The following NANOS2 variants were observed in gnomAD, a reference collection of about 807,000 sequenced individuals.
The protein encoded by NANOS2 is nanos homolog 2.
In NANOS2, 3 loss-of-function variants were observed where a neutral mutation model predicts 6.4. The ratio of observed to expected loss-of-function variants is 0.47; its 90% CI spans 0.22 to 1.22. The LOEUF (loss-of-function observed/expected upper bound fraction) is 1.22, where lower values mean the gene tolerates loss of function less well. NANOS2 is among the 50% of genes most tolerant of loss of function. The pLI is 0.22. For missense variants in NANOS2, 177 were observed against 191.0 expected, an observed-to-expected ratio of 0.93 and a Z score of 0.43; for synonymous variants, 86 against 85.6, an observed-to-expected ratio of 1.00 and a Z score of -0.03.
At position 45,913,512 on chromosome 19, in the gene NANOS2, G is replaced by A. The variant is rs1967436072; in HGVS notation, c.*765C>T. On this transcript the variant is annotated 3_prime_UTR_variant, in exon 1 of 1. Transcript: ENST00000341294. ...TGGTCGAGAGATATGCTTCTCGCTG[G>A]GGGAAAGGACCCATCGGTGATTTGG... 1 of 152,116 alleles carries A rather than the reference G, an allele frequency of 6.6e-6. No homozygotes were observed. Among genetic ancestry groups the A allele is most frequent in the Admixed American group, 6.6e-5 (1 of 15,248 alleles). The allele number at this position is 152,116 out of a possible 1,614,324, so 9.4% of individuals were successfully genotyped here.
chr19:45,913,981 C>A lies in NANOS2; in HGVS notation c.*296G>T. ...CAGTCACCAGCAGGCCCCACGAGGA[C>A]AAAAGATCCATGAACCGGGGCCCAG... On this transcript the variant is annotated 3_prime_UTR_variant, in exon 1 of 1. Transcript: ENST00000341294. 2.3e-6 allele frequency: 1 copy of A among 430,672 alleles called. No individual in the cohort carries two copies. Among genetic ancestry groups the A allele is most frequent in the Non-Finnish European group, 4.2e-6 (1 of 238,288 alleles). The allele number at this position is 430,672 out of a possible 1,614,324, so 26.7% of individuals were successfully genotyped here. A position where few individuals can be genotyped will look rare whatever the true frequency, so the allele number is the denominator to read the frequency against.
chr19:45,914,351 G>A lies in NANOS2; in HGVS notation c.343C>T (p.Pro115Ser), dbSNP rs774903581. Reference protein sequence around the residue: ...GDQAHTLKYCPLNGGQQSLYR... With the variant: ...GDQAHTLKYCSLNGGQQSLYR... Reference sequence around the variant, plus strand: ...AGGGACTGCTGGCCACCGTTAAGCGGGCAGTACTTGAGCGTATGGGCCTGG... The same window carrying A: ...AGGGACTGCTGGCCACCGTTAAGCGAGCAGTACTTGAGCGTATGGGCCTGG... The change falls in exon 1 of 1, where the codon CCG (proline) becomes TCG (serine). Residue 115 changes from proline to serine, a missense_variant. Transcript: ENST00000341294. 1.2e-6 allele frequency: 2 copies of A among 1,614,040 alleles called. No homozygotes were observed. Among genetic ancestry groups the A allele is most frequent in the African/African-American group, 1.3e-5 (1 of 75,068 alleles).
rs1177955808 is a variant in NANOS2 at position 45,914,264 on chromosome 19, C to T, written c.*13G>A. 1 of 1,600,304 alleles carries T rather than the reference C, an allele frequency of 6.2e-7. No individual in the cohort carries two copies. The highest frequency in any genetic ancestry group is 1.3e-5 in the African/African-American group (1 of 74,830). On this transcript the variant is annotated 3_prime_UTR_variant, in exon 1 of 1. Coordinates refer to ENST00000341294, the MANE Select transcript of NANOS2 (RefSeq NM_001029861.3). The stretch of plus-strand genomic sequence containing the variant: ...GAGGGTCAGGGGTGCGGGTGGTGAG[C>T]ATCTCACGATGCTCAGCGCTTGACC...
At position 45,914,765 on chromosome 19, in the gene NANOS2, A is replaced by C. The variant is rs1021407511; in HGVS notation, c.-72T>G. ...GGGGCCCGTGGGCAAGGGCAAGAGC[A>C]GCAGGCGTTTCCCAGAGCAGAAGGG... On this transcript the variant is annotated 5_prime_UTR_variant, in exon 1 of 1. Transcript: ENST00000341294. 1 of 1,446,178 alleles carries C rather than the reference A, an allele frequency of 6.9e-7. No individual in the cohort carries two copies. Among genetic ancestry groups the C allele is most frequent in the Admixed American group, 2.1e-5 (1 of 46,656 alleles). 89.6% of individuals were successfully genotyped at this position (1,446,178 alleles called of 1,614,324 possible). A position where few individuals can be genotyped will look rare whatever the true frequency, so the allele number is the denominator to read the frequency against.
In NANOS2 at chr19:45,914,571, C is replaced by T. The variant is rs780603858; in HGVS notation, c.123G>A (p.Gly41=). ...GCCCCTGATCCTGCCCCAGCGGAGG[C>T]CCGGGACTTGGCTCCTCAATCTCTT... The part of the protein sequence containing the change: ...ETQEIEEPSP[G]PPLGQDQGLG... Residue 41 remains glycine (G), a synonymous_variant, in exon 1 of 1, where the codon GGG becomes GGA. Transcript: ENST00000341294. 1 of 1,614,214 alleles carries T rather than the reference C, an allele frequency of 6.2e-7. No individual in the cohort carries two copies. The highest frequency in any genetic ancestry group is 1.1e-5 in the South Asian group (1 of 91,090).
rs1244588912 is a variant in NANOS2, at chr19:45,914,465, A to G, written c.229T>C (p.Ser77Pro). Residue 77 changes from serine to proline, a missense_variant, in exon 1 of 1, where the codon TCC becomes CCC. Ser to Pro is a moderately conservative substitution (Grantham distance 74). Coordinates refer to ENST00000341294, the MANE Select transcript of NANOS2 (RefSeq NM_001029861.3). Reference sequence around the variant, plus strand: ...TCCGGTGTCTTCAGCTGGTGTGAGGAGTAGACGTGGCGGGACTCCCCGTTG... The same window carrying G: ...TCCGGTGTCTTCAGCTGGTGTGAGGGGTAGACGTGGCGGGACTCCCCGTTG... Reference protein sequence around the residue: ...KHNGESRHVYSSHQLKTPDGV... With the variant: ...KHNGESRHVYPSHQLKTPDGV... The G allele has an allele frequency of 1.2e-6, 2 of 1,614,110 alleles. No homozygotes were observed. Among genetic ancestry groups the G allele is most frequent in the Admixed American group, 3.3e-5 (2 of 60,024 alleles).
At position 45,914,102 on chromosome 19, in the gene NANOS2, A is replaced by AG; in HGVS notation, c.*174dup. ...AGAGCTCCGAGGGCTGACAGGTCCAAGGGGGCGGGGCTGGCCTGGCTCCCA... is the reference window on the plus strand; with the variant it reads ...AGAGCTCCGAGGGCTGACAGGTCCAAGGGGGGCGGGGCTGGCCTGGCTCCCA... On this transcript the variant is annotated 3_prime_UTR_variant, in exon 1 of 1. Coordinates refer to ENST00000341294, the MANE Select transcript of NANOS2 (RefSeq NM_001029861.3). 1 of 680,390 alleles carries AG rather than the reference A, an allele frequency of 1.5e-6. No homozygotes were observed. Among genetic ancestry groups the AG allele is most frequent in the Non-Finnish European group, 2.4e-6 (1 of 410,094 alleles). 42.1% of individuals were successfully genotyped at this position (680,390 alleles called of 1,614,324 possible).
rs1405825885 is a variant in NANOS2 at position 45,914,564 on chromosome 19, G to A, written c.130C>T (p.Leu44=). 1 of 1,614,080 alleles carries A rather than the reference G, an allele frequency of 6.2e-7. No homozygotes were observed. The highest frequency in any genetic ancestry group is 8.5e-7 in the Non-Finnish European group (1 of 1,180,026). ...EIEEPSPGPP[L]GQDQGLGAPG... ...GCCCCCAGCCCCTGATCCTGCCCCAGCGGAGGCCCGGGACTTGGCTCCTCA... is the reference window on the plus strand; with the variant it reads ...GCCCCCAGCCCCTGATCCTGCCCCAACGGAGGCCCGGGACTTGGCTCCTCA... The change falls in exon 1 of 1, where the codon CTG becomes TTG. Residue 44 remains leucine, a synonymous_variant. Transcript: ENST00000341294.
chr19:45,914,453 G>C lies in NANOS2; in HGVS notation c.241C>G (p.Leu81Val), dbSNP rs1310642546. The C allele has an allele frequency of 6.2e-7, 1 of 1,614,088 alleles. No homozygotes were observed. Among genetic ancestry groups the C allele is most frequent in the African/African-American group, 1.3e-5 (1 of 74,958 alleles). ...ESRHVYSSHQ[L>V]KTPDGVVVCP... ...ACCACCACGCCATCCGGTGTCTTCA[G>C]CTGGTGTGAGGAGTAGACGTGGCGG... Residue 81 changes from leucine (L) to valine (V), a missense_variant, in exon 1 of 1, where the codon CTG becomes GTG. Coordinates refer to ENST00000341294, the MANE Select transcript of NANOS2 (RefSeq NM_001029861.3).
rs911158197 is a variant in NANOS2, at chr19:45,914,542, C to G, written c.152G>C (p.Gly51Ala). 13 of 1,614,048 alleles carry G rather than the reference C, an allele frequency of 8.1e-6. No homozygotes were observed. The highest frequency in any genetic ancestry group is 9.3e-6 in the Non-Finnish European group (11 of 1,180,020). The change falls in exon 1 of 1, where the codon GGG becomes GCG. Residue 51 changes from glycine to alanine, a missense_variant. By Grantham distance (60) the Gly-to-Ala change is moderately conservative. Transcript: ENST00000341294. ...GPPLGQDQGL[G>A]APGANGGLGT... The stretch of plus-strand genomic sequence containing the variant: ...CAGGCCCCCGTTGGCCCCTGGCGCC[C>G]CCAGCCCCTGATCCTGCCCCAGCGG...
At position 45,914,761 on chromosome 19, in the gene NANOS2, G is replaced by A. The variant is rs566559303; in HGVS notation, c.-68C>T. On this transcript the variant is annotated 5_prime_UTR_variant, in exon 1 of 1. Coordinates refer to ENST00000341294, the MANE Select transcript of NANOS2 (RefSeq NM_001029861.3). ...GCTGGGGGCCCGTGGGCAAGGGCAA[G>A]AGCAGCAGGCGTTTCCCAGAGCAGA... 97 of 1,470,184 alleles carry A rather than the reference G, an allele frequency of 6.6e-5. 3 individuals are homozygous for A. In the South Asian group the frequency reaches 1.1e-3, roughly 17 times the overall value. The allele number at this position is 1,470,184 out of a possible 1,614,324, so 91.1% of individuals were successfully genotyped here. A position where few individuals can be genotyped will look rare whatever the true frequency, so the allele number is the denominator to read the frequency against.
At position 45,914,515 on chromosome 19, in the gene NANOS2, C is replaced by T. The variant is rs151009341; in HGVS notation, c.179G>A (p.Gly60Glu). 4.3e-6 allele frequency: 7 copies of T among 1,614,036 alleles called. No individual in the cohort carries two copies. The highest frequency in any genetic ancestry group is 2.2e-5 in the East Asian group (1 of 44,880). The part of the protein sequence containing the change: ...LGAPGANGGL[G>E]TLCNFCKHNG... ...GTGCTTGCAGAAGTTGCACAGGGTCCCCAGGCCCCCGTTGGCCCCTGGCGC... is the reference window on the plus strand; with the variant it reads ...GTGCTTGCAGAAGTTGCACAGGGTCTCCAGGCCCCCGTTGGCCCCTGGCGC... The change falls in exon 1 of 1, where the codon GGG becomes GAG. Residue 60 changes from glycine to glutamate, a missense_variant. By Grantham distance (98) the Gly-to-Glu change is moderately conservative (BLOSUM62 -2). Transcript: ENST00000341294.
At position 45,914,682 on chromosome 19, in the gene NANOS2, T is replaced by A; in HGVS notation, c.12A>T (p.Pro4=). Residue 4 remains proline (P), a synonymous_variant, in exon 1 of 1, where the codon CCA becomes CCT. Coordinates refer to ENST00000341294, the MANE Select transcript of NANOS2 (RefSeq NM_001029861.3). MQL[P]PFDMWKDYFN... ...AGTAGTCCTTCCACATGTCGAAGGG[T>A]GGCAGCTGCATGGCACCAAAGCAGG... 6.2e-7 allele frequency: 1 copy of A among 1,611,368 alleles called. No individual in the cohort carries two copies. The highest frequency in any genetic ancestry group is 8.5e-7 in the Non-Finnish European group (1 of 1,178,060).
At position 45,914,532 on chromosome 19, in the gene NANOS2, C is replaced by T. The variant is rs1456186571; in HGVS notation, c.162G>A (p.Gly54=). 5 of 1,614,074 alleles carry T rather than the reference C, an allele frequency of 3.1e-6. No homozygotes were observed. Among genetic ancestry groups the T allele is most frequent in the Non-Finnish European group, 4.2e-6 (5 of 1,179,980 alleles). The stretch of plus-strand genomic sequence containing the variant: ...ACAGGGTCCCCAGGCCCCCGTTGGC[C>T]CCTGGCGCCCCCAGCCCCTGATCCT... The part of the protein sequence containing the change: ...LGQDQGLGAP[G]ANGGLGTLCN... The change falls in exon 1 of 1, where the codon GGG becomes GGA. Residue 54 remains glycine (G), a synonymous_variant. Coordinates refer to ENST00000341294, the MANE Select transcript of NANOS2 (RefSeq NM_001029861.3).
Position 45,914,088 on chromosome 19 carries a change from G to A in NANOS2, c.*189C>T. 1.6e-6 allele frequency: 1 copy of A among 639,836 alleles called. No individual in the cohort carries two copies. The highest frequency in any genetic ancestry group is 2.7e-6 in the Non-Finnish European group (1 of 375,400). 39.6% of individuals were successfully genotyped at this position (639,836 alleles called of 1,614,324 possible). ...AACGCCCACAGGCCAGAGCTCCGAGGGCTGACAGGTCCAAGGGGGCGGGGC... is the reference window on the plus strand; with the variant it reads ...AACGCCCACAGGCCAGAGCTCCGAGAGCTGACAGGTCCAAGGGGGCGGGGC... On this transcript the variant is annotated 3_prime_UTR_variant, in exon 1 of 1. Transcript: ENST00000341294.
In NANOS2 at chr19:45,914,443, G is replaced by T. The variant is rs377721853; in HGVS notation, c.251C>A (p.Pro84Gln). ...HVYSSHQLKTPDGVVVCPILR... is the reference protein window; with the variant it reads ...HVYSSHQLKTQDGVVVCPILR... ...GATGGGACACACCACCACGCCATCC[G>T]GTGTCTTCAGCTGGTGTGAGGAGTA... Residue 84 changes from proline (P) to glutamine (Q), a missense_variant, in exon 1 of 1, where the codon CCG becomes CAG. Pro to Gln is a moderately conservative substitution (Grantham distance 76). Coordinates refer to ENST00000341294, the MANE Select transcript of NANOS2 (RefSeq NM_001029861.3). 93 of 1,614,082 alleles carry T rather than the reference G, an allele frequency of 5.8e-5. No homozygotes were observed. Among genetic ancestry groups the T allele is most frequent in the Admixed American group, 1.5e-4 (9 of 60,008 alleles).
In NANOS2 at chr19:45,914,316, G is replaced by T. The variant is rs1481389210; in HGVS notation, c.378C>A (p.Arg126=). 2 of 1,613,632 alleles carry T rather than the reference G, an allele frequency of 1.2e-6. No homozygotes were observed. The highest frequency in any genetic ancestry group is 3.3e-5 in the Admixed American group (2 of 60,006). The change falls in exon 1 of 1, where the codon CGC becomes CGA. Residue 126 remains arginine (R), a synonymous_variant. Transcript: ENST00000341294. ...LNGGQQSLYR[R]SGRNSAGRRV... ...TGCGTCCGGCCGAGTTGCGCCCGCT[G>T]CGGCGGTAGAGGGACTGCTGGCCAC...
At position 45,914,349 on chromosome 19, in the gene NANOS2, C is replaced by T. The variant is rs774866574; in HGVS notation, c.345G>A (p.Pro115=). 43 of 1,613,976 alleles carry T rather than the reference C, an allele frequency of 2.7e-5. No individual in the cohort carries two copies. The highest frequency in any genetic ancestry group is 3.6e-5 in the Non-Finnish European group (42 of 1,179,990). The change falls in exon 1 of 1, where the codon CCG becomes CCA. Residue 115 remains proline, a synonymous_variant. Transcript: ENST00000341294. The part of the protein sequence containing the change: ...GDQAHTLKYC[P]LNGGQQSLYR... ...AGAGGGACTGCTGGCCACCGTTAAG[C>T]GGGCAGTACTTGAGCGTATGGGCCT...
In NANOS2 at chr19:45,914,566, G is replaced by A. The variant is rs764760177; in HGVS notation, c.128C>T (p.Pro43Leu). The A allele has an allele frequency of 1.9e-5, 30 of 1,614,052 alleles. No homozygotes were observed. In the Admixed American group the frequency reaches 2.2e-4, roughly 12 times the overall value. ...QEIEEPSPGP[P>L]LGQDQGLGAP... ...CCCCAGCCCCTGATCCTGCCCCAGC[G>A]GAGGCCCGGGACTTGGCTCCTCAAT... Residue 43 changes from proline to leucine, a missense_variant, in exon 1 of 1, where the codon CCG (proline) becomes CTG (leucine). Physicochemically the swap from Pro to Leu is moderately conservative, Grantham distance 98 (BLOSUM62 -3). Coordinates refer to ENST00000341294, the MANE Select transcript of NANOS2 (RefSeq NM_001029861.3).
Sources: allele counts gnomAD v4.1 joint callset, GRCh38; gene constraint gnomAD v4.1.1; transcripts MANE v1.5; gene names NCBI Gene and HGNC (gene_info 2026-07-23, HGNC 2026-07-21).